MCF2L2: variants seen among roughly 807,000 people sequenced by gnomAD.
The protein encoded by MCF2L2 is probable guanine nucleotide exchange factor MCF2L2.
Under a neutral mutation model 150.2 loss-of-function variants are expected in MCF2L2, and 102 were observed. The observed-to-expected ratio is 0.68, with a 90% CI of 0.58 to 0.80. MCF2L2 has a LOEUF of 0.80. Ranked by LOEUF, MCF2L2 falls within the 30% of genes least tolerant of loss-of-function variation. The pLI is 0.00. For synonymous variants in MCF2L2, 465 were observed against 491.3 expected (o/e 0.95, Z 0.71); for missense variants, 1,256 against 1,372.8 (o/e 0.91, Z 1.34).
chr3:183,248,317 A>G (rs1313116736), intron 15 of MCF2L2, among the ~76,000 whole-genome samples: 1 of 152,142 alleles, frequency 6.6e-6, no homozygotes, highest in African/African-American at 2.4e-5. Context: ...AATTTATCAT[A>G]GACTTTAGAA....
chr3:183,223,354 G>A lies in MCF2L2; in HGVS notation c.2293C>T (p.Leu765=), dbSNP rs1490879810. 3 of 1,612,676 alleles carry A rather than the reference G, an allele frequency of 1.9e-6. No individual in the cohort carries two copies. Among genetic ancestry groups the A allele is most frequent in the South Asian group, 2.2e-5 (2 of 91,054 alleles). Residue 765 remains leucine (L), a synonymous_variant, in exon 20 of 30, where the codon CTG becomes TTG. Transcript: ENST00000328913. ...TGTCTCATTGATTTTACCTTCAACA[G>A]CATCTGGTATTTTATAAGTCTCTGG... ...PSQRLIKYQM[L]LKGLLDFESP...
At chr3:183,412,684 T>C (rs866659252) in intron 1 of MCF2L2, among the ~76,000 whole-genome samples, 2 of 152,360 alleles carry the variant, frequency 1.3e-5, no homozygotes, top group African/African-American at 4.8e-5. Context: ...TTTTACTCCC[T>C]TTCCAATCTG....
intron 19 of MCF2L2, 100 bp downstream of exon 19, chr3:183,223,998 C>T (rs951805249): frequency 7.1e-6 from 6 of 845,318 alleles, no homozygotes; most frequent in African/African-American, 5.1e-5. Flanking sequence ...AAACATAAAT[C>T]GCAATGCCAA....
intron 5 of MCF2L2, among the ~76,000 whole-genome samples, chr3:183,335,361 T>G (rs1302322190): frequency 1.5e-5 from 2 of 135,416 alleles, no homozygotes; most frequent in African/African-American, 3.5e-5. Context: ...GCAATACATA[T>G]AAATACATAA....
At chr3:183,261,941 G>C (rs1400343436) in intron 15 of MCF2L2, among the ~76,000 whole-genome samples, 1 of 144,172 alleles carries the variant, frequency 6.9e-6, no homozygotes, top group African/African-American at 2.6e-5. Flanking sequence ...ACCGTTTTAG[G>C]AGGTTTTCAT....
chr3:183,233,484 GCTGA>G (rs1208816798), intron 15 of MCF2L2, among the ~76,000 whole-genome samples: 2 of 151,958 alleles, frequency 1.3e-5, no homozygotes, highest in Middle Eastern at 3.4e-3. Flanking sequence ...AAAGAATGAG[GCTGA>G]CTAAAACACT....
intron 14 of MCF2L2, among the ~76,000 whole-genome samples, chr3:183,278,811 T>C (rs1056942835): frequency 2.0e-5 from 3 of 152,216 alleles, no homozygotes; most frequent in Admixed American, 2.0e-4. Context: ...GAGTAGGTAA[T>C]GGACCTTGTC....
intron 15 of MCF2L2, among the ~76,000 whole-genome samples, chr3:183,238,513 T>A (rs893384778): frequency 6.6e-6 from 1 of 151,558 alleles, no homozygotes; most frequent in Non-Finnish European, 1.5e-5. Flanking sequence ...CAGGATGGTC[T>A]TGATCTCCTG....
chr3:183,218,587 C>A (rs1164515731), intron 21 of MCF2L2, among the ~76,000 whole-genome samples: 2 of 152,126 alleles, frequency 1.3e-5, no homozygotes, highest in East Asian at 3.9e-4. Context: ...TGAGCCGAAA[C>A]TGCGCCATTG....
intron 15 of MCF2L2, among the ~76,000 whole-genome samples, chr3:183,275,620 C>A (rs1413909311): frequency 1.3e-5 from 2 of 151,398 alleles, no homozygotes; most frequent in East Asian, 3.9e-4. Context: ...TTTTTTTCTT[C>A]CTCTTTGAGA....
intron 23 of MCF2L2, among the ~76,000 whole-genome samples, chr3:183,207,148 GAAACAGTTTCT>G (rs1198171602): frequency 5.3e-5 from 8 of 152,152 alleles, no homozygotes; most frequent in African/African-American, 1.9e-4. Flanking sequence ...AACTGGCTAT[GAAACAGTTTCT>G]AAACAGGTGA....
At chr3:183,303,194 C>CA (rs56742154) in intron 10 of MCF2L2, among the ~76,000 whole-genome samples, 112 of 123,830 alleles carry the variant, frequency 9.0e-4, no homozygotes, top group Middle Eastern at 4.6e-3. Flanking sequence ...ACTCTGTCTC[C>CA]AAAAAAAAAA....
chr3:183,370,675 G>A (rs537382952), intron 3 of MCF2L2, among the ~76,000 whole-genome samples: 97 of 152,280 alleles, frequency 6.4e-4, no homozygotes, highest in African/African-American at 2.2e-3. Context: ...CATTCCACTG[G>A]GAAGAAGTAA....
intron 17 of MCF2L2, among the ~76,000 whole-genome samples, chr3:183,228,754 G>A (rs1328928235): frequency 6.6e-6 from 1 of 152,144 alleles, no homozygotes. Context: ...TAGATAGACT[G>A]GATACATTCA....
At chr3:183,359,765 C>T (rs988148413) in intron 3 of MCF2L2, among the ~76,000 whole-genome samples, 26 of 152,160 alleles carry the variant, frequency 1.7e-4, no homozygotes, top group Non-Finnish European at 1.3e-4. Context: ...GTTGTCAACG[C>T]TTGGAACACA....
intron 6 of MCF2L2, among the ~76,000 whole-genome samples, chr3:183,322,406 T>C (rs1396550553): frequency 6.6e-6 from 1 of 152,150 alleles, no homozygotes. Context: ...CATTGTAAGG[T>C]GTTCAGCGGA....
intron 1 of MCF2L2, among the ~76,000 whole-genome samples, chr3:183,426,239 T>C (rs1716157183): frequency 6.6e-6 from 1 of 152,128 alleles, no homozygotes; most frequent in Admixed American, 6.5e-5. Flanking sequence ...TAAGTGTTAG[T>C]CAAGGAATAC....
chr3:183,254,711 G>C (rs1212486199), intron 15 of MCF2L2: 1 of 152,236 alleles, frequency 6.6e-6, no homozygotes, highest in Non-Finnish European at 1.5e-5. Flanking sequence ...AATTCGAGTC[G>C]AAAGCCCGTG....
intron 2 of MCF2L2, among the ~76,000 whole-genome samples, chr3:183,389,007 G>A (rs1458834999): frequency 6.6e-6 from 1 of 152,124 alleles, no homozygotes; most frequent in Non-Finnish European, 1.5e-5. Flanking sequence ...ATCCCTCCAT[G>A]TTATATACTA....
Sources: allele counts gnomAD v4.1 joint callset (sites outside exome capture counted in the v4.1 genomes callset), GRCh38; gene constraint gnomAD v4.1.1; transcripts MANE v1.5; gene names NCBI Gene and HGNC (gene_info 2026-07-23, HGNC 2026-07-21).